Variants in ELOVL7 observed in about 807,000 individuals in gnomAD.
ELOVL7 encodes the protein very long chain fatty acid elongase 7.
Under a neutral mutation model 35.7 loss-of-function variants are expected in ELOVL7, and 27 were observed. That is an observed-to-expected ratio of 0.76 (90% CI 0.56 to 1.04). The LOEUF is 1.04. ELOVL7 is among the 50% of genes least tolerant of loss of function. The pLI is 0.00. For missense variants in ELOVL7, 327 were observed against 340.8 expected (o/e 0.96, Z 0.32); for synonymous variants, 113 against 114.6 (o/e 0.99, Z 0.09).
In ELOVL7 at chr5:60,766,573, C is replaced by T; in HGVS notation, c.393+1G>A. 1.2e-6 allele frequency: 2 copies of T among 1,610,740 alleles called. No individual in the cohort carries two copies. Among genetic ancestry groups the T allele is most frequent in the Non-Finnish European group, 1.7e-6 (2 of 1,178,192 alleles). On this transcript the variant is annotated splice_donor_variant, in intron 6 of 8. Coordinates refer to ENST00000508821, the MANE Select transcript of ELOVL7 (RefSeq NM_024930.3). LOFTEE classifies it high-confidence loss of function. ...ACCAAATGTGGTGGCCATATACTCA[C>T]CGTATCTAATAGCTCAATAAATTTG...
At chr5:60,816,638 T>C (rs1051284548) in intron 1 of ELOVL7, among the ~76,000 whole-genome samples, 3 of 152,100 alleles carry the variant, frequency 2.0e-5, no homozygotes, top group Non-Finnish European at 4.4e-5. Context: ...CTTGGAAAAA[T>C]GTACAATGAT....
At chr5:60,813,899 CAAA>C (rs1745376885) in intron 1 of ELOVL7, among the ~76,000 whole-genome samples, 1 of 152,112 alleles carries the variant, frequency 6.6e-6, no homozygotes, top group Non-Finnish European at 1.5e-5. Flanking sequence ...ACAAGCAAAA[CAAA>C]ATACGAAGGT....
chr5:60,777,175 T>C (rs1742958110), intron 3 of ELOVL7, among the ~76,000 whole-genome samples: 2 of 152,024 alleles, frequency 1.3e-5, no homozygotes, highest in Admixed American at 1.3e-4. Context: ...ACCTAGTATT[T>C]GGTGGCACGA....
At chr5:60,795,101 T>G (rs371087171) in intron 2 of ELOVL7, among the ~76,000 whole-genome samples, 2 of 152,004 alleles carry the variant, frequency 1.3e-5, no homozygotes, top group East Asian at 3.9e-4. Context: ...GCAAAAGCAG[T>G]GTGGAGAATA....
rs1742634485 is a variant in ELOVL7, at chr5:60,772,112, G to A, written c.65-19C>T. ...CTTGGATCTAAGAGAAAAACAATAT[G>A]TGAGTACACACCTGCTTAGCCAAGG... On this transcript the variant is annotated intron_variant, in intron 3 of 8. Coordinates refer to ENST00000508821, the MANE Select transcript of ELOVL7 (RefSeq NM_024930.3). The A allele has an allele frequency of 1.9e-6, 3 of 1,569,476 alleles. No individual in the cohort carries two copies. Among genetic ancestry groups the A allele is most frequent in the East Asian group, 4.6e-5 (2 of 43,744 alleles).
intron 1 of ELOVL7, among the ~76,000 whole-genome samples, chr5:60,803,942 G>A (rs553438807): frequency 1.3e-5 from 2 of 151,990 alleles, no homozygotes; most frequent in Admixed American, 1.3e-4. Flanking sequence ...TTCATAAAGG[G>A]ATTAAGACTT....
chr5:60,837,315 T>TGGGGGGGG (rs1227317155), intron 1 of ELOVL7, among the ~76,000 whole-genome samples: 11 of 24,508 alleles, frequency 4.5e-4, no homozygotes, highest in Non-Finnish European at 6.4e-4. Flanking sequence ...GGCGGGGGGG[T>TGGGGGGGG]GGGGGGGGAG....
chr5:60,776,747 A>G (rs545369956), intron 3 of ELOVL7, among the ~76,000 whole-genome samples: 57 of 152,284 alleles, frequency 3.7e-4, no homozygotes, highest in African/African-American at 1.3e-3. Flanking sequence ...ACAAGGGCTG[A>G]AAAACATACT....
intron 2 of ELOVL7, among the ~76,000 whole-genome samples, chr5:60,790,325 T>C (rs1174622291): frequency 6.6e-6 from 1 of 152,094 alleles, no homozygotes; most frequent in African/African-American, 2.4e-5. Context: ...GGAAGAAAGA[T>C]TTTATACTGT....
rs1351059500 is a variant in ELOVL7 at position 60,764,246 on chromosome 5, A to G, written c.480T>C (p.Phe160=). The G allele has an allele frequency of 1.2e-6, 2 of 1,613,598 alleles. No homozygotes were observed. Among genetic ancestry groups the G allele is most frequent in the Non-Finnish European group, 1.7e-6 (2 of 1,179,672 alleles). ...HHTIMPWTWW[F]GVKFAAGGLG... is the part of the protein sequence containing the mutation. ...GTCTACCTGCAGCAAATTTGACTCC[A>G]AACCACCAGGTCCACGGCATGATGG... Residue 160 remains phenylalanine, a synonymous_variant, in exon 7 of 9, where the codon TTT becomes TTC. Transcript: ENST00000508821.
At chr5:60,797,631 A>G (rs922648238) in intron 2 of ELOVL7, among the ~76,000 whole-genome samples, 1 of 152,258 alleles carries the variant, frequency 6.6e-6, no homozygotes, top group Non-Finnish European at 1.5e-5. Context: ...GTAGGATAAC[A>G]GGAGGCAAGA....
rs1323096673 is a variant in ELOVL7 at position 60,752,554 on chromosome 5, C to T, written c.*2070G>A. On this transcript the variant is annotated 3_prime_UTR_variant, in exon 9 of 9. Coordinates refer to ENST00000508821, the MANE Select transcript of ELOVL7 (RefSeq NM_024930.3). ...CACAGGTTAGATATGAAGAGCCAAA[C>T]CTGGAAAACAGTTAAGGAGTCCTGA... 1 of 152,568 alleles carries T rather than the reference C, an allele frequency of 6.6e-6. No individual in the cohort carries two copies. Among genetic ancestry groups the T allele is most frequent in the Non-Finnish European group, 1.5e-5 (1 of 68,038 alleles). 9.5% of individuals were successfully genotyped at this position (152,568 alleles called of 1,614,324 possible).
chr5:60,789,254 T>C (rs1457193607), intron 2 of ELOVL7, among the ~76,000 whole-genome samples: 1 of 152,208 alleles, frequency 6.6e-6, no homozygotes, highest in African/African-American at 2.4e-5. Flanking sequence ...CTACTCTCCC[T>C]AATATATGAC....
At chr5:60,805,090 A>C (rs1056200780) in intron 1 of ELOVL7, among the ~76,000 whole-genome samples, 3 of 152,230 alleles carry the variant, frequency 2.0e-5, no homozygotes, top group African/African-American at 7.2e-5. Flanking sequence ...ATAATGGAGG[A>C]AAGTGTACAT....
chr5:60,766,003 A>G (rs1041594687), intron 6 of ELOVL7, among the ~76,000 whole-genome samples: 1 of 152,164 alleles, frequency 6.6e-6, no homozygotes, highest in Non-Finnish European at 1.5e-5. Flanking sequence ...GCTTCTCCCA[A>G]GACCCGGTCA....
chr5:60,787,139 T>C (rs991443722), intron 3 of ELOVL7, among the ~76,000 whole-genome samples, 195 bp downstream of exon 3: 27 of 152,180 alleles, frequency 1.8e-4, no homozygotes, highest in African/African-American at 6.5e-4. Flanking sequence ...ACTGTAAACA[T>C]TGTAATGAAC....
intron 1 of ELOVL7, among the ~76,000 whole-genome samples, chr5:60,805,989 C>T (rs755955771): frequency 2.2e-4 from 34 of 152,162 alleles, no homozygotes; most frequent in Non-Finnish European, 1.5e-4. Flanking sequence ...ACCTCCAGTT[C>T]TTCAGGATGT....
intron 1 of ELOVL7, among the ~76,000 whole-genome samples, chr5:60,814,445 C>T (rs1452678211): frequency 2.0e-5 from 3 of 152,084 alleles, no homozygotes; most frequent in African/African-American, 7.2e-5. Flanking sequence ...TAGGCACATC[C>T]CCTGAAACCA....
intron 2 of ELOVL7, among the ~76,000 whole-genome samples, chr5:60,796,166 A>T (rs1464109000): frequency 2.0e-5 from 3 of 152,208 alleles, no homozygotes; most frequent in African/African-American, 7.2e-5. Context: ...ATATTAATCC[A>T]CACATTTCCT....
Sources: allele counts gnomAD v4.1 joint callset (sites outside exome capture counted in the v4.1 genomes callset), GRCh38; gene constraint gnomAD v4.1.1; transcripts MANE v1.5; gene names NCBI Gene and HGNC (gene_info 2026-07-23, HGNC 2026-07-21).